Variants in SYBU observed in about 807,000 individuals in gnomAD.
SYBU encodes the protein GOLSYN A protein.
A neutral mutation model predicts 35.9 loss-of-function variants in SYBU; 21 were observed. That is an observed-to-expected ratio of 0.58 (90% confidence interval 0.41 to 0.84). SYBU has a LOEUF of 0.84. Ranked by LOEUF, SYBU falls within the 40% of genes least tolerant of loss-of-function variation. The probability of loss-of-function intolerance (pLI) is 0.00; values close to 1 mark genes in which losing one functional copy is unlikely to be tolerated. For missense variants in SYBU, 768 were observed against 848.2 expected, an observed-to-expected ratio of 0.91 and a Z score of 1.17; for synonymous variants, 319 against 324.3, an observed-to-expected ratio of 0.98 and a Z score of 0.18.
chr8:109,575,716 A>G lies in SYBU; in HGVS notation c.1182T>C (p.Cys394=), dbSNP rs1822200926. 3 of 1,613,974 alleles carry G rather than the reference A, an allele frequency of 1.9e-6. No individual in the cohort carries two copies. The highest frequency in any genetic ancestry group is 3.3e-5 in the Admixed American group (2 of 59,994). ...LRDELCLDFP[C]DSPEKSLTLN... is the part of the protein sequence containing the mutation. ...GGGTTAAGCTCTTCTCTGGGGAATC[A>G]CATGGAAAGTCTAGGCACAGTTCGT... is the stretch of plus-strand genomic sequence containing the variant. Residue 394 remains cysteine, a synonymous_variant, in exon 7 of 7, where the codon TGT becomes TGC. Transcript: ENST00000276646.
intron 6 of SYBU, among the ~76,000 whole-genome samples, chr8:109,576,578 T>G (rs983993512): frequency 1.3e-5 from 2 of 152,202 alleles, no homozygotes; most frequent in African/African-American, 2.4e-5. Context: ...TCATATGGTA[T>G]TCCAATGATA....
At chr8:109,592,157 C>CA (rs1457598131) in intron 3 of SYBU, among the ~76,000 whole-genome samples, 1 of 151,902 alleles carries the variant, frequency 6.6e-6, no homozygotes, top group Non-Finnish European at 1.5e-5. Flanking sequence ...GATGGCTTCT[C>CA]AAAAAAGGTC....
chr8:109,690,164 C>T (rs1057306745), intron 1 of SYBU, among the ~76,000 whole-genome samples: 3 of 151,976 alleles, frequency 2.0e-5, no homozygotes, highest in Non-Finnish European at 1.5e-5. Context: ...ATAAATTAAG[C>T]AATCAAAATC....
chr8:109,666,040 T>C (rs1197218702), intron 1 of SYBU, among the ~76,000 whole-genome samples: 5 of 152,238 alleles, frequency 3.3e-5, no homozygotes, highest in Non-Finnish European at 7.3e-5. Flanking sequence ...TTCCAAAGCA[T>C]ATTTAATATA....
chr8:109,673,007 T>A (rs566696566), intron 1 of SYBU, among the ~76,000 whole-genome samples: 7 of 152,296 alleles, frequency 4.6e-5, no homozygotes, highest in African/African-American at 1.7e-4. Flanking sequence ...ACAGGGCATC[T>A]CTGAAAGAAA....
chr8:109,633,236 C>T lies in SYBU; in HGVS notation c.229+9492G>A, dbSNP rs1020782907. On this transcript the variant is annotated intron_variant, in intron 2 of 6. Transcript: ENST00000276646. ...AAGGGTAGCCTAAGATCCAGAGGGT[C>T]TTAAGAATTCTGAGAGTCACGTCAG... Among the ~76,000 whole-genome samples, 4 of 152,140 alleles carry T rather than the reference C, an allele frequency of 2.6e-5. No individual in the cohort carries two copies. In the East Asian group the frequency reaches 7.7e-4, roughly 29 times the overall value.
chr8:109,638,535 C>A (rs568208881), intron 2 of SYBU, among the ~76,000 whole-genome samples: 2 of 152,070 alleles, frequency 1.3e-5, no homozygotes, highest in East Asian at 1.9e-4. Flanking sequence ...AACAAACAAA[C>A]AAAAAACTTT....
At chr8:109,670,557 T>C (rs1445637117) in intron 1 of SYBU, among the ~76,000 whole-genome samples, 1 of 152,140 alleles carries the variant, frequency 6.6e-6, no homozygotes, top group East Asian at 1.9e-4. Context: ...TGTGACGTTT[T>C]TCCTATAGGA....
At position 109,643,159 on chromosome 8, in the gene SYBU, A is replaced by G. The variant is rs1815126193; in HGVS notation, c.25-227T>C. On this transcript the variant is annotated intron_variant, in intron 1 of 6. Coordinates refer to ENST00000276646, the MANE Select transcript of SYBU (RefSeq NM_001099754.2). ...ACATGTCTGTGTGGCACACACACACACACACACACACACATATACACACCT... is the reference window on the plus strand; with the variant it reads ...ACATGTCTGTGTGGCACACACACACGCACACACACACACATATACACACCT... 9 of 1,230,590 alleles carry G rather than the reference A, an allele frequency of 7.3e-6. No homozygotes were observed. The Admixed American group carries it at 2.9e-4, about 40-fold the overall frequency. The allele number at this position is 1,230,590 out of a possible 1,614,324, so 76.2% of individuals were successfully genotyped here. A position where few individuals can be genotyped will look rare whatever the true frequency, so the allele number is the denominator to read the frequency against.
chr8:109,602,395 C>T (rs1234898895), intron 3 of SYBU, among the ~76,000 whole-genome samples: 1 of 150,734 alleles, frequency 6.6e-6, no homozygotes, highest in Non-Finnish European at 1.5e-5. Flanking sequence ...GATTGAGGTA[C>T]TCCAAGATCA....
Position 109,630,188 on chromosome 8 carries a change from C to A in SYBU, c.230-11149G>T, listed in dbSNP as rs548431097. 1.8e-4 allele frequency among the ~76,000 whole-genome samples: 26 copies of A among 147,804 alleles called. No homozygotes were observed. In the South Asian group the frequency reaches 5.6e-3, roughly 32 times the overall value. On this transcript the variant is annotated intron_variant, in intron 2 of 6. Coordinates refer to ENST00000276646, the MANE Select transcript of SYBU (RefSeq NM_001099754.2). ...TATCGCAAGAACAAAAAACCAAACA[C>A]CGCATATTCTCACTCATAGGTGGGA...
chr8:109,609,244 T>C (rs1290213836), intron 3 of SYBU, among the ~76,000 whole-genome samples: 1 of 152,174 alleles, frequency 6.6e-6, no homozygotes, highest in African/African-American at 2.4e-5. Context: ...AAAGTGCCAT[T>C]TGCAAAAGAC....
chr8:109,640,819 C>CAAAA (rs33993476), intron 2 of SYBU, among the ~76,000 whole-genome samples: 11 of 82,052 alleles, frequency 1.3e-4, no homozygotes, highest in African/African-American at 4.0e-4. Context: ...AATTAGTTAG[C>CAAAA]AAAAAAAAAA....
At chr8:109,604,129 C>G (rs1825827842) in intron 3 of SYBU, among the ~76,000 whole-genome samples, 1 of 152,028 alleles carries the variant, frequency 6.6e-6, no homozygotes, top group Non-Finnish European at 1.5e-5. Flanking sequence ...TATTCCTAGA[C>G]AGGTTCACAT....
Position 109,678,663 on chromosome 8 carries a change from T to A in SYBU, c.-129+2048A>T, listed in dbSNP as rs180875133. ...ACCATGTTGGCCAGGATGGTCTCGA[T>A]CTCCTGACATCGTGATCCACCCGCC... On this transcript the variant is annotated intron_variant, in intron 1 of 5. Coordinates refer to the SYBU transcript ENST00000408889. Among the ~76,000 whole-genome samples, 383 of 151,988 alleles carry A rather than the reference T, an allele frequency of 2.5e-3. 1 individual carries two copies. Among genetic ancestry groups the A allele is most frequent in the African/African-American group, 8.7e-3 (361 of 41,458 alleles).
chr8:109,578,255 C>A (rs1326586985), intron 5 of SYBU, among the ~76,000 whole-genome samples: 1 of 152,136 alleles, frequency 6.6e-6, no homozygotes, highest in African/African-American at 2.4e-5. Flanking sequence ...AGCTTTCTAG[C>A]TTTCTTTTTC....
intron 1 of SYBU, among the ~76,000 whole-genome samples, chr8:109,664,999 T>C (rs1816705992): frequency 6.6e-6 from 1 of 152,212 alleles, no homozygotes; most frequent in Non-Finnish European, 1.5e-5. Context: ...TTTTAAATGC[T>C]TATTTGATCA....
intron 3 of SYBU, among the ~76,000 whole-genome samples, chr8:109,597,707 C>T (rs1825052513): frequency 6.6e-6 from 1 of 152,072 alleles, no homozygotes; most frequent in African/African-American, 2.4e-5. Flanking sequence ...GAGTAAGGCC[C>T]TGTCTCAAAA....
chr8:109,665,956 A>G (rs561964375), intron 1 of SYBU, among the ~76,000 whole-genome samples: 6 of 152,204 alleles, frequency 3.9e-5, no homozygotes, highest in Admixed American at 2.0e-4. Context: ...GAGAGGAGAA[A>G]CTAGATGCCT....
Sources: gnomAD v4.1 joint callset for allele counts (sites outside exome capture counted in the v4.1 genomes callset) on GRCh38, gnomAD v4.1.1 for gene constraint, MANE v1.5 for transcripts, NCBI Gene and HGNC (gene_info 2026-07-23, HGNC 2026-07-21) for gene names.